The following ASXL3 variants were observed in gnomAD, a reference collection of about 807,000 sequenced individuals.
The protein encoded by ASXL3 is putative Polycomb group protein ASXL3.
In ASXL3, 34 loss-of-function variants were observed where a neutral mutation model predicts 170.6. The observed-to-expected ratio is 0.20, with a 90% CI of 0.15 to 0.27. The LOEUF is 0.27. ASXL3 is among the 10% of genes least tolerant of loss of function. ASXL3 has a pLI of 1.00. For missense variants in ASXL3, 2,592 were observed against 2,695.3 expected (o/e 0.96, Z 0.85); for synonymous variants, 1,002 against 989.1 (o/e 1.01, Z -0.24).
Position 33,646,364 on chromosome 18 carries a change from T to A in ASXL3, c.355+11T>A, listed in dbSNP as rs780193212. On this transcript the variant is annotated intron_variant, in intron 4 of 11. Coordinates refer to ENST00000269197, the MANE Select transcript of ASXL3 (RefSeq NM_030632.3). ...GAGAAGAAAATGGAGGTAAGTGTGATGAATTCCAAAATATAATCCCTTGTT... is the reference window on the plus strand; with the variant it reads ...GAGAAGAAAATGGAGGTAAGTGTGAAGAATTCCAAAATATAATCCCTTGTT... 6.3e-7 allele frequency: 1 copy of A among 1,578,310 alleles called. No homozygotes were observed. The highest frequency in any genetic ancestry group is 1.7e-5 in the Admixed American group (1 of 58,408).
chr18:33,681,188 TA>T (rs2066508231), intron 7 of ASXL3, among the ~76,000 whole-genome samples: 1 of 152,148 alleles, frequency 6.6e-6, no homozygotes. Context: ...TGAATTATTT[TA>T]TTTCCACTTT....
chr18:33,626,181 A>G (rs556264564), intron 2 of ASXL3, among the ~76,000 whole-genome samples: 3 of 152,300 alleles, frequency 2.0e-5, no homozygotes, highest in African/African-American at 4.8e-5. Context: ...TAAAAAGCCT[A>G]TTCATTAAGG....
intron 7 of ASXL3, among the ~76,000 whole-genome samples, chr18:33,674,897 C>G (rs576932829): frequency 6.6e-6 from 1 of 152,072 alleles, no homozygotes; most frequent in Non-Finnish European, 1.5e-5. Context: ...GGATTACAGG[C>G]GTGAGCCACC....
At chr18:33,652,833 C>G (rs898695540) in intron 4 of ASXL3, among the ~76,000 whole-genome samples, 2 of 151,846 alleles carry the variant, frequency 1.3e-5, no homozygotes, top group Admixed American at 1.3e-4. Flanking sequence ...TTTGAGGGGT[C>G]TTTTATCAAA....
At chr18:33,717,695 G>A (rs1018772368) in intron 8 of ASXL3, among the ~76,000 whole-genome samples, 1 of 152,120 alleles carries the variant, frequency 6.6e-6, no homozygotes, top group African/African-American at 2.4e-5. Flanking sequence ...AGGATGCTTT[G>A]TGGGTTGGGA....
At chr18:33,634,329 C>T (rs201517676) in intron 2 of ASXL3, among the ~76,000 whole-genome samples, 2 of 137,992 alleles carry the variant, frequency 1.4e-5, no homozygotes, top group Admixed American at 7.3e-5. Context: ...ATAGTTGCTT[C>T]TTTTTTTTTT....
At chr18:33,667,127 A>G (rs1353940892) in intron 5 of ASXL3, among the ~76,000 whole-genome samples, 1 of 152,158 alleles carries the variant, frequency 6.6e-6, no homozygotes, top group Non-Finnish European at 1.5e-5. Context: ...CCTCTTATGT[A>G]TCCACTAATG....
intron 8 of ASXL3, among the ~76,000 whole-genome samples, chr18:33,688,838 TCAGGAGGG>T (rs1410051991): frequency 6.6e-6 from 1 of 152,196 alleles, no homozygotes; most frequent in Non-Finnish European, 1.5e-5. Flanking sequence ...GACTACTGTA[TCAGGAGGG>T]CCTGTGCCCT....
intron 8 of ASXL3, among the ~76,000 whole-genome samples, chr18:33,723,883 TCAACATCCATGCAAGAC>T (rs2067303334): frequency 6.6e-6 from 1 of 152,152 alleles, no homozygotes; most frequent in Admixed American, 6.5e-5. Flanking sequence ...TCAGCAGCCA[TCAACATCCATGCAAGAC>T]CCTCCGTCAG....
chr18:33,628,655 T>C (rs2065634874), intron 2 of ASXL3, among the ~76,000 whole-genome samples: 1 of 152,184 alleles, frequency 6.6e-6, no homozygotes, highest in Non-Finnish European at 1.5e-5. Context: ...AGGTGGTTAG[T>C]AATTAATTAT....
intron 2 of ASXL3, among the ~76,000 whole-genome samples, chr18:33,611,577 T>G (rs1568277815): frequency 6.6e-6 from 1 of 152,094 alleles, no homozygotes; most frequent in Non-Finnish European, 1.5e-5. Flanking sequence ...CAAATGGCCA[T>G]GCTGCTTCTA....
chr18:33,612,313 G>T (rs1017285425), intron 2 of ASXL3, among the ~76,000 whole-genome samples: 1 of 152,094 alleles, frequency 6.6e-6, no homozygotes, highest in African/African-American at 2.4e-5. Flanking sequence ...TAAAAACTAT[G>T]TTAAATTTCA....
At chr18:33,640,407 G>A (rs1363758181) in intron 2 of ASXL3, among the ~76,000 whole-genome samples, 1 of 151,848 alleles carries the variant, frequency 6.6e-6, no homozygotes, top group African/African-American at 2.4e-5. Flanking sequence ...TTTTTCTAGG[G>A]TGGTTTGTAA....
chr18:33,638,723 C>T (rs1343211849), intron 2 of ASXL3, among the ~76,000 whole-genome samples: 1 of 152,160 alleles, frequency 6.6e-6, no homozygotes, highest in East Asian at 1.9e-4. Context: ...TTCCTCATCT[C>T]TGAATCTCAG....
At chr18:33,705,010 A>C (rs975890742) in intron 8 of ASXL3, among the ~76,000 whole-genome samples, 4 of 151,874 alleles carry the variant, frequency 2.6e-5, no homozygotes, top group African/African-American at 9.7e-5. Context: ...AGGAAAGGAA[A>C]GAAGCCAAGA....
intron 8 of ASXL3, among the ~76,000 whole-genome samples, chr18:33,700,707 T>G (rs559676907): frequency 1.4e-4 from 22 of 152,178 alleles, no homozygotes; most frequent in Admixed American, 4.6e-4. Context: ...CTGCTTAAAT[T>G]TTTCCAAAAG....
chr18:33,625,088 C>A (rs1210059124), intron 2 of ASXL3, among the ~76,000 whole-genome samples: 1 of 152,020 alleles, frequency 6.6e-6, no homozygotes. Flanking sequence ...GTTAGTGCTC[C>A]TGGGAAACTT....
At position 33,738,974 on chromosome 18, in the gene ASXL3, G is replaced by C. The variant is rs369333628; in HGVS notation, c.1570G>C (p.Glu524Gln). The change falls in exon 11 of 12, where the codon GAA becomes CAA. Residue 524 changes from glutamate to glutamine, a missense_variant. By Grantham distance (29) the Glu-to-Gln change is conservative (BLOSUM62 2). Transcript: ENST00000269197. ...HIEVKIEGKS[E>Q]SPQEEMTVVI... is the part of the protein sequence containing the mutation. The stretch of plus-strand genomic sequence containing the variant: ...TGAAGTTAAGATAGAAGGGAAGTCA[G>C]AATCACCCCAGGAAGAAATGACAGT... 2.4e-5 allele frequency: 39 copies of C among 1,613,642 alleles called. No individual in the cohort carries two copies. The African/African-American group carries it at 4.3e-4, about 18-fold the overall frequency.
At chr18:33,697,054 C>A (rs769306448) in intron 8 of ASXL3, among the ~76,000 whole-genome samples, 23 of 152,056 alleles carry the variant, frequency 1.5e-4, no homozygotes, top group Non-Finnish European at 3.2e-4. Context: ...TGATCTAACA[C>A]CTACTGACCT....
Sources: gnomAD v4.1 joint callset for allele counts (sites outside exome capture counted in the v4.1 genomes callset) on GRCh38, gnomAD v4.1.1 for gene constraint, MANE v1.5 for transcripts, NCBI Gene and HGNC (gene_info 2026-07-23, HGNC 2026-07-21) for gene names.